ABHD2: variants seen among roughly 807,000 people sequenced by gnomAD.
ABHD2 encodes abhydrolase domain containing 2, acylglycerol lipase.
A neutral mutation model predicts 48.1 loss-of-function variants in ABHD2; 20 were observed. That is an observed-to-expected ratio of 0.42 (90% CI 0.29 to 0.60). The LOEUF is 0.60. Among genes scored for constraint, ABHD2 ranks in the 20% least tolerant of loss-of-function variants. The pLI is 0.24. For synonymous variants in ABHD2, 209 were observed against 214.2 expected, an observed-to-expected ratio of 0.98 and a Z score of 0.21; for missense variants, 405 against 550.9, an observed-to-expected ratio of 0.74 and a Z score of 2.65.
Position 89,201,083 on chromosome 15 carries a change from C to CA in ABHD2, c.*5667dup, listed in dbSNP as rs1437096574. On this transcript the variant is annotated 3_prime_UTR_variant, in exon 11 of 11. Transcript: ENST00000352732. ...GGCAACAAGAGTGAGACTCCGTCTC[C>CA]AAAAAAAGAAAAGGAATCCAGTGAA... The CA allele has an allele frequency of 4.3e-6, 4 of 925,734 alleles. No individual in the cohort carries two copies. Among genetic ancestry groups the CA allele is most frequent in the South Asian group, 1.3e-5 (1 of 75,772 alleles). 57.3% of individuals were successfully genotyped at this position (925,734 alleles called of 1,614,324 possible).
chr15:89,178,614 G>A (rs1351158108), intron 6 of ABHD2, among the ~76,000 whole-genome samples: 2 of 152,328 alleles, frequency 1.3e-5, no homozygotes, highest in African/African-American at 2.4e-5. Flanking sequence ...CCCGCTTGCT[G>A]TAGTTAGCAA....
At chr15:89,152,597 C>G (rs2050611556) in intron 4 of ABHD2, among the ~76,000 whole-genome samples, 1 of 152,186 alleles carries the variant, frequency 6.6e-6, no homozygotes, top group South Asian at 2.1e-4. Context: ...GATGAGGAAA[C>G]TGAAGCTCGG....
Position 89,188,315 on chromosome 15 carries a change from C to G in ABHD2, c.926+12C>G, listed in dbSNP as rs777443677. The G allele has an allele frequency of 4.3e-6, 7 of 1,612,966 alleles. No individual in the cohort carries two copies. The highest frequency in any genetic ancestry group is 1.7e-4 in the Middle Eastern group (1 of 6,054). On this transcript the variant is annotated intron_variant, in intron 8 of 10. Coordinates refer to ENST00000352732, the MANE Select transcript of ABHD2 (RefSeq NM_152924.5). The surrounding 1 kb of genome is among the most constrained non-coding windows in gnomAD (Gnocchi z 4.1). Reference sequence around the variant, plus strand: ...GACAATGTGATGAGGTGTGTCCGCGCAGGCGGGAGAGGGACGCTCTGGGGC... The same window carrying G: ...GACAATGTGATGAGGTGTGTCCGCGGAGGCGGGAGAGGGACGCTCTGGGGC...
chr15:89,048,148 T>C, the ABHD2 span, among the ~76,000 whole-genome samples: 1 of 150,664 alleles, frequency 6.6e-6, no homozygotes, highest in East Asian at 1.9e-4. Context: ...TATTTCTCCT[T>C]CACTTATGAA....
At chr15:89,046,177 CTGTT>C in the ABHD2 span, among the ~76,000 whole-genome samples, 1 of 152,130 alleles carries the variant, frequency 6.6e-6, no homozygotes, top group South Asian at 2.1e-4. Context: ...GTCTTTGGTT[CTGTT>C]TATGTGCTGG....
chr15:89,121,598 A>G (rs2050052398), intron 3 of ABHD2, among the ~76,000 whole-genome samples: 1 of 152,022 alleles, frequency 6.6e-6, no homozygotes, highest in Non-Finnish European at 1.5e-5. Context: ...AAAGTGTACT[A>G]TGACCTCCCT....
intron 1 of ABHD2, among the ~76,000 whole-genome samples, chr15:89,089,668 C>G (rs980354746): frequency 6.6e-6 from 1 of 152,104 alleles, no homozygotes; most frequent in Admixed American, 6.5e-5. Context: ...AGATCTGTGC[C>G]CAGAGCTTTT....
Position 89,091,588 on chromosome 15 carries a change from T to C in ABHD2, c.-107+3025T>C, listed in dbSNP as rs1901599238. ...CCTCTGTAGTGGTTCTCACTGCCCT[T>C]GTTCAGAGCTCCTGCCCCGAGCAGG... On this transcript the variant is annotated intron_variant, in intron 1 of 10. Coordinates refer to ENST00000352732, the MANE Select transcript of ABHD2 (RefSeq NM_152924.5). This position sits in a 1 kb window ranked among gnomAD's most constrained non-coding sequence, Gnocchi z 5.5. Among the ~76,000 whole-genome samples, 1 of 152,228 alleles carries C rather than the reference T, an allele frequency of 6.6e-6. No individual in the cohort carries two copies. Among genetic ancestry groups the C allele is most frequent in the South Asian group, 2.1e-4 (1 of 4,826 alleles).
Position 89,189,582 on chromosome 15 carries a change from T to C in ABHD2, c.926+1279T>C, listed in dbSNP as rs2051270239. ...TCTTCATCTAATAGATAGGCAGATA[T>C]TGACCTAAGGGTATAGGATCTCTGC... On this transcript the variant is annotated intron_variant, in intron 8 of 10. Transcript: ENST00000352732. This position sits in a 1 kb window ranked among gnomAD's most constrained non-coding sequence, Gnocchi z 4.9. Among the ~76,000 whole-genome samples the C allele has an allele frequency of 6.6e-6, 1 of 152,248 alleles. No individual in the cohort carries two copies. The highest frequency in any genetic ancestry group is 1.5e-5 in the Non-Finnish European group (1 of 68,044).
At chr15:89,122,866 GA>G (rs1235603059) in intron 3 of ABHD2, among the ~76,000 whole-genome samples, 4 of 152,226 alleles carry the variant, frequency 2.6e-5, no homozygotes, top group Non-Finnish European at 1.5e-5. Context: ...GGAGGAGTGT[GA>G]TGGAGGACTT....
At chr15:89,118,492 A>C (rs1239264541) in intron 3 of ABHD2, among the ~76,000 whole-genome samples, 2 of 152,052 alleles carry the variant, frequency 1.3e-5, no homozygotes, top group African/African-American at 4.8e-5. Context: ...TTAATACTTA[A>C]TTTAGATCAA....
chr15:89,063,941 A>G, the ABHD2 span, among the ~76,000 whole-genome samples: 1 of 152,006 alleles, frequency 6.6e-6, no homozygotes, highest in African/African-American at 2.4e-5. Flanking sequence ...CTGGTTCTTA[A>G]CAGGCCACGG....
chr15:89,153,884 C>T lies in ABHD2; in HGVS notation c.371-1483C>T, dbSNP rs1292172509. ...ATAAAGACTTTCCCATGTATTAAAA[C>T]TCTAAAAGTCTTCAAAAACACAATT... On this transcript the variant is annotated intron_variant, in intron 4 of 10. Transcript: ENST00000352732. Among the ~76,000 whole-genome samples the T allele has an allele frequency of 2.6e-5, 4 of 152,138 alleles. No homozygotes were observed. In the East Asian group the frequency reaches 5.8e-4, roughly 22 times the overall value.
chr15:89,048,319 G>C, the ABHD2 span, among the ~76,000 whole-genome samples: 1 of 152,088 alleles, frequency 6.6e-6, no homozygotes, highest in Non-Finnish European at 1.5e-5. Context: ...TTTCTCTCTG[G>C]CTGCCCTTAA....
In ABHD2 at chr15:89,091,886, G is replaced by A. The variant is rs1218372541; in HGVS notation, c.-107+3323G>A. Among the ~76,000 whole-genome samples the A allele has an allele frequency of 6.6e-6, 1 of 152,200 alleles. No homozygotes were observed. Among genetic ancestry groups the A allele is most frequent in the East Asian group, 1.9e-4 (1 of 5,204 alleles). ...TTCATCTTGGGCTAAGCTATCCCCAGGAACAGAGCAATGAGAAGTTCAGGG... is the reference window on the plus strand; with the variant it reads ...TTCATCTTGGGCTAAGCTATCCCCAAGAACAGAGCAATGAGAAGTTCAGGG... On this transcript the variant is annotated intron_variant, in intron 1 of 10. Transcript: ENST00000352732. The surrounding 1 kb of genome is among the most constrained non-coding windows in gnomAD (Gnocchi z 5.5).
intron 1 of ABHD2, among the ~76,000 whole-genome samples, chr15:89,093,161 T>C (rs1410321873): frequency 2.0e-5 from 3 of 147,556 alleles, no homozygotes; most frequent in Non-Finnish European, 4.5e-5. Flanking sequence ...ATTTCCAGCA[T>C]CTTTTTTCAT....
intron 3 of ABHD2, among the ~76,000 whole-genome samples, chr15:89,134,735 A>C (rs187538073): frequency 9.7e-4 from 148 of 152,266 alleles, no homozygotes; most frequent in African/African-American, 3.3e-3. Context: ...TGTGATGCCA[A>C]GTTTTCCAGT....
chr15:89,200,781 C>A lies in ABHD2; in HGVS notation c.*5358C>A. On this transcript the variant is annotated 3_prime_UTR_variant, in exon 11 of 11. Coordinates refer to ENST00000352732, the MANE Select transcript of ABHD2 (RefSeq NM_152924.5). ...TGCTTTGCTCTACAAGACGAATTTC[C>A]CTAGAAAGAATCCAATGAAGGCCGG... The A allele has an allele frequency of 3.9e-6, 1 of 255,976 alleles. No individual in the cohort carries two copies. Among genetic ancestry groups the A allele is most frequent in the Non-Finnish European group, 7.8e-6 (1 of 128,418 alleles). 15.9% of individuals were successfully genotyped at this position (255,976 alleles called of 1,614,324 possible).
At chr15:89,149,262 AC>A (rs1480735268) in intron 3 of ABHD2, among the ~76,000 whole-genome samples, 17 of 151,726 alleles carry the variant, frequency 1.1e-4, no homozygotes, top group African/African-American at 4.1e-4. Flanking sequence ...GAATTACTGC[AC>A]CCCACTCTGA....
Sources: allele counts gnomAD v4.1 joint callset (sites outside exome capture counted in the v4.1 genomes callset), GRCh38; gene constraint gnomAD v4.1.1; non-coding constraint Gnocchi (gnomAD v3.1); transcripts MANE v1.5; gene names NCBI Gene and HGNC (gene_info 2026-07-23, HGNC 2026-07-21).